Variants in NAT16 observed in about 807,000 individuals in gnomAD.
NAT16 encodes N-acetyltransferase 16 (putative).
Under a neutral mutation model 15.9 loss-of-function variants are expected in NAT16, and 16 were observed. The ratio of observed to expected loss-of-function variants is 1.01; its 90% CI spans 0.68 to 1.53. The LOEUF (loss-of-function observed/expected upper bound fraction) is 1.53, where lower values mean the gene tolerates loss of function less well. Ranked by LOEUF, NAT16 falls within the 40% of genes most tolerant of loss-of-function variation. The pLI, the probability that NAT16 is intolerant of heterozygous loss-of-function variation, is 0.00. For missense variants in NAT16, 572 were observed against 508.4 expected, an observed-to-expected ratio of 1.13 and a Z score of -1.20; for synonymous variants, 260 against 241.9, an observed-to-expected ratio of 1.07 and a Z score of -0.69.
At position 101,178,606 on chromosome 7, in the gene NAT16, C is replaced by T. The variant is rs537514221; in HGVS notation, c.-5+1436G>A. On this transcript the variant is annotated intron_variant, in intron 1 of 3. Transcript: ENST00000300303. ...AGCATTTCTTGGCCGGGCGTGGTGG[C>T]TCATGCCTATAATCCCACCACTTTG... Among the ~76,000 whole-genome samples the T allele has an allele frequency of 2.9e-4, 43 of 150,872 alleles. 1 individual carries two copies. The Middle Eastern group carries it at 0.01, about 36-fold the overall frequency.
intron 1 of NAT16, among the ~76,000 whole-genome samples, chr7:101,179,630 G>T (rs1233452677): frequency 6.7e-6 from 1 of 148,960 alleles, no homozygotes; most frequent in Non-Finnish European, 1.5e-5. Flanking sequence ...CCAGCCAAAG[G>T]GGGTGGGGGG....
Position 101,172,342 on chromosome 7 carries a change from G to T in NAT16, c.847C>A (p.Pro283Thr). 1 of 1,598,282 alleles carries T rather than the reference G, an allele frequency of 6.3e-7. No homozygotes were observed. Among genetic ancestry groups the T allele is most frequent in the East Asian group, 2.3e-5 (1 of 44,116 alleles). ...TCCCCTCCGTGCGGGATGGGGAAGG[G>T]GCGCGTGCACAGCGTGAGCACGCGC... ...RPRVLTLCTR[P>T]FPIPHGGDGT... The change falls in exon 4 of 4, where the codon CCC (proline) becomes ACC (threonine). Residue 283 changes from proline to threonine, a missense_variant. Transcript: ENST00000300303. This position sits in a 1 kb window ranked among gnomAD's most constrained non-coding sequence, Gnocchi z 4.2.
Position 101,171,157 on chromosome 7 carries a change from T to C in NAT16, c.*922A>G. The C allele has an allele frequency of 6.5e-6, 1 of 152,766 alleles. No homozygotes were observed. The highest frequency in any genetic ancestry group is 1.6e-3 in the Middle Eastern group (1 of 636). The allele number at this position is 152,766 out of a possible 1,614,324, so 9.5% of individuals were successfully genotyped here. ...CCCGCCCTCCACTGTACCAAACTCT[T>C]CAGCTAGAACCACACCACACACACA... On this transcript the variant is annotated 3_prime_UTR_variant, in exon 4 of 4. Transcript: ENST00000300303.
intron 1 of NAT16, among the ~76,000 whole-genome samples, chr7:101,177,459 T>G (rs1305243001): frequency 6.6e-6 from 1 of 151,756 alleles, no homozygotes; most frequent in Non-Finnish European, 1.5e-5. Flanking sequence ...CCTCCCACCT[T>G]AGCCTCCCGA....
At chr7:101,174,312 C>T in intron 2 of NAT16, 184 bp downstream of exon 2, 1 of 755,016 alleles carries the variant, frequency 1.3e-6, no homozygotes, top group Non-Finnish European at 2.1e-6. Context: ...GTCCTCCACC[C>T]CACCCTCACT....
At chr7:101,177,690 C>A (rs926677307) in intron 1 of NAT16, among the ~76,000 whole-genome samples, 1 of 152,074 alleles carries the variant, frequency 6.6e-6, no homozygotes, top group Non-Finnish European at 1.5e-5. Flanking sequence ...CTGACCCCAG[C>A]CTGAAGAGCA....
At chr7:101,174,955 T>C (rs975901918) in intron 1 of NAT16, 144 bp from the exon 2 acceptor site, 58 of 1,087,302 alleles carry the variant, frequency 5.3e-5, no homozygotes, top group Non-Finnish European at 5.7e-5. Flanking sequence ...TATTTACTTA[T>C]TTATTTATTT....
chr7:101,173,262 A>C, intron 3 of NAT16, 34 bp downstream of exon 3: 1 of 1,579,120 alleles, frequency 6.3e-7, no homozygotes, highest in Admixed American at 1.7e-5. Flanking sequence ...CCCAGCAGAG[A>C]GGCCCAGCCA....
chr7:101,179,054 C>G (rs10233391), intron 1 of NAT16: 129,231 of 141,142 alleles, frequency 0.92, 59,230 homozygotes, highest in Admixed American at 0.95. Flanking sequence ...GGAATGCCGG[C>G]AGCCCACCCA....
chr7:101,179,875 C>T (rs1797554464), intron 1 of NAT16, among the ~76,000 whole-genome samples, 167 bp downstream of exon 1: 1 of 152,030 alleles, frequency 6.6e-6, no homozygotes, highest in Admixed American at 6.5e-5. Context: ...ACACCTGAAG[C>T]GCAGCCTCTG....
chr7:101,171,994 C>A lies in NAT16; in HGVS notation c.*85G>T. 1.1e-6 allele frequency: 1 copy of A among 943,832 alleles called. No homozygotes were observed. The highest frequency in any genetic ancestry group is 1.6e-5 in the South Asian group (1 of 64,110). The allele number at this position is 943,832 out of a possible 1,614,324, so 58.5% of individuals were successfully genotyped here. ...AGAGGGGACTTCCCAGGAGACGCAG[C>A]GTCGGAAATGGCAGGAAAGAGGCTG... On this transcript the variant is annotated 3_prime_UTR_variant, in exon 4 of 4. Transcript: ENST00000300303.
intron 2 of NAT16, 79 bp from the exon 3 acceptor site, chr7:101,173,599 T>C: frequency 7.8e-7 from 1 of 1,287,558 alleles, no homozygotes; most frequent in Non-Finnish European, 1.0e-6. Flanking sequence ...GGCTCTCCTC[T>C]TCCCACACGC....
Position 101,173,238 on chromosome 7 carries a change from G to T in NAT16, c.537+58C>A, listed in dbSNP as rs1395769733. On this transcript the variant is annotated intron_variant, in intron 3 of 3. Transcript: ENST00000300303. ...CCGTGTTCTGCTGGGGGTGGGGAGG[G>T]TCTCCCCATATGCCCCAGCAGAGAG... 7.7e-6 allele frequency: 11 copies of T among 1,429,752 alleles called. No homozygotes were observed. In the South Asian group the frequency reaches 9.2e-5, roughly 12 times the overall value. The allele number at this position is 1,429,752 out of a possible 1,614,324, so 88.6% of individuals were successfully genotyped here.
Position 101,173,539 on chromosome 7 carries a change from A to G in NAT16, c.313-19T>C. ...GCGCGATCTGCGGACCGAGGCCGTT[A>G]GCGCGGGGCCCTCCCCGCCTGCGCC... On this transcript the variant is annotated intron_variant, in intron 2 of 3. Transcript: ENST00000300303. 6.5e-7 allele frequency: 1 copy of G among 1,546,434 alleles called. No individual in the cohort carries two copies. Among genetic ancestry groups the G allele is most frequent in the Non-Finnish European group, 8.7e-7 (1 of 1,147,154 alleles).
In NAT16 at chr7:101,172,673, G is replaced by T; in HGVS notation, c.538-22C>A. On this transcript the variant is annotated intron_variant, in intron 3 of 3. Coordinates refer to ENST00000300303, the MANE Select transcript of NAT16 (RefSeq NM_198571.3). This position sits in a 1 kb window ranked among gnomAD's most constrained non-coding sequence, Gnocchi z 4.2. ...TGCCCTGCGGGGGGCACGAGTGAGC[G>T]CGGGGAGGGGGGGCGCAGCAGGGCT... is the stretch of plus-strand genomic sequence containing the variant. 2.7e-6 allele frequency: 4 copies of T among 1,457,972 alleles called. No homozygotes were observed. The highest frequency in any genetic ancestry group is 3.6e-6 in the Non-Finnish European group (4 of 1,114,154). 90.3% of individuals were successfully genotyped at this position (1,457,972 alleles called of 1,614,324 possible).
rs753720123 is a variant in NAT16, at chr7:101,171,990, G to T, written c.*89C>A. On this transcript the variant is annotated 3_prime_UTR_variant, in exon 4 of 4. Coordinates refer to ENST00000300303, the MANE Select transcript of NAT16 (RefSeq NM_198571.3). ...AGTCAGAGGGGACTTCCCAGGAGACGCAGCGTCGGAAATGGCAGGAAAGAG... is the reference window on the plus strand; with the variant it reads ...AGTCAGAGGGGACTTCCCAGGAGACTCAGCGTCGGAAATGGCAGGAAAGAG... 5.5e-6 allele frequency: 5 copies of T among 912,106 alleles called. No homozygotes were observed. The highest frequency in any genetic ancestry group is 8.5e-6 in the Non-Finnish European group (5 of 588,038). 56.5% of individuals were successfully genotyped at this position (912,106 alleles called of 1,614,324 possible).
intron 2 of NAT16, chr7:101,174,053 A>G: frequency 3.9e-6 from 1 of 256,836 alleles, no homozygotes. Context: ...GAGATGCTCC[A>G]GCTCCGAGTG....
At position 101,180,076 on chromosome 7, in the gene NAT16, T is replaced by A. The variant is rs1276253899; in HGVS notation, c.-39A>T. Reference sequence around the variant, plus strand: ...GCCGGAGCTGGAGCCAGGGCCGAGATGCCGCAAAGCCAAGCGGGGCGGGCG... The same window carrying A: ...GCCGGAGCTGGAGCCAGGGCCGAGAAGCCGCAAAGCCAAGCGGGGCGGGCG... On this transcript the variant is annotated 5_prime_UTR_variant, in exon 1 of 4. Coordinates refer to ENST00000300303, the MANE Select transcript of NAT16 (RefSeq NM_198571.3). 2 of 154,508 alleles carry A rather than the reference T, an allele frequency of 1.3e-5. No individual in the cohort carries two copies. The highest frequency in any genetic ancestry group is 2.9e-5 in the Non-Finnish European group (2 of 70,034). 9.6% of individuals were successfully genotyped at this position (154,508 alleles called of 1,614,324 possible). A position where few individuals can be genotyped will look rare whatever the true frequency, so the allele number is the denominator to read the frequency against.
intron 1 of NAT16, among the ~76,000 whole-genome samples, chr7:101,176,121 G>T (rs1428159447): frequency 1.3e-5 from 2 of 152,112 alleles, no homozygotes; most frequent in Non-Finnish European, 2.9e-5. Flanking sequence ...GGGGGAGGGT[G>T]TAGACCCCAA....
Sources: allele counts gnomAD v4.1 joint callset (sites outside exome capture counted in the v4.1 genomes callset), GRCh38; gene constraint gnomAD v4.1.1; non-coding constraint Gnocchi (gnomAD v3.1); transcripts MANE v1.5; gene names NCBI Gene and HGNC (gene_info 2026-07-23, HGNC 2026-07-21).